BCL9: variants seen among roughly 807,000 people sequenced by gnomAD.
BCL9 encodes the protein B-cell CLL/lymphoma 9 protein.
A neutral mutation model predicts 88.5 loss-of-function variants in BCL9; 25 were observed. The observed-to-expected ratio is 0.28, with a 90% CI of 0.21 to 0.39. BCL9 has a LOEUF of 0.39. Ranked by LOEUF, BCL9 falls within the 10% of genes least tolerant of loss-of-function variation. The pLI is 1.00. For synonymous variants in BCL9, 711 were observed against 673.3 expected, an observed-to-expected ratio of 1.06 and a Z score of -0.87; for missense variants, 1,817 against 1,877.8, an observed-to-expected ratio of 0.97 and a Z score of 0.60.
chr1:147,572,435 A>G (rs1056971208), intron 1 of BCL9, among the ~76,000 whole-genome samples: 2 of 152,214 alleles, frequency 1.3e-5, no homozygotes, highest in African/African-American at 4.8e-5. Flanking sequence ...AGCCTCTCCT[A>G]GCATTGATAG....
intron 3 of BCL9, among the ~76,000 whole-genome samples, chr1:147,608,350 T>TTTTA (rs1553202228): frequency 2.4e-4 from 36 of 149,226 alleles, no homozygotes; most frequent in African/African-American, 7.9e-4. Context: ...TTTTTTTTTT[T>TTTTA]AGCACGGAAA....
intron 2 of BCL9, 122 bp from the exon 3 acceptor site, chr1:147,606,662 G>A (rs1453788149): frequency 5.3e-5 from 8 of 152,140 alleles, no homozygotes; most frequent in South Asian, 4.1e-4. Context: ...TGACAGCTTC[G>A]TCTTAAACTG....
intron 1 of BCL9, among the ~76,000 whole-genome samples, chr1:147,589,843 T>C (rs1656774852): frequency 1.3e-5 from 2 of 150,684 alleles, no homozygotes; most frequent in African/African-American, 4.8e-5. Context: ...TTCTCTTAGA[T>C]AGACACCTAG....
chr1:147,574,239 A>G (rs781858013), intron 1 of BCL9, among the ~76,000 whole-genome samples: 5 of 152,316 alleles, frequency 3.3e-5, no homozygotes, highest in South Asian at 4.1e-4. Context: ...CACTCTGGAC[A>G]AGGCTGTGTG....
chr1:147,624,533 A>G lies in BCL9; in HGVS notation c.3855A>G (p.Gly1285=), dbSNP rs1553206151. 2 of 1,614,126 alleles carry G rather than the reference A, an allele frequency of 1.2e-6. No individual in the cohort carries two copies. The highest frequency in any genetic ancestry group is 3.3e-5 in the Admixed American group (2 of 60,024). The change falls in exon 10 of 10, where the codon GGA becomes GGG. Residue 1285 remains glycine, a synonymous_variant. Transcript: ENST00000234739. The surrounding 1 kb of genome is among the most constrained non-coding windows in gnomAD (Gnocchi z 4.4). ...TGGGCGAACAAGCCCCCAGAATGGG[A>G]CTAGCATTACCTGGCATGGGAGGTC... ...GMMGEQAPRM[G]LALPGMGGPG...
intron 1 of BCL9, among the ~76,000 whole-genome samples, chr1:147,560,834 T>C (rs1025312619): frequency 1.3e-5 from 2 of 150,408 alleles, no homozygotes; most frequent in Non-Finnish European, 2.9e-5. Flanking sequence ...TTCTCAGACA[T>C]AATTAATAAT....
rs1163472776 is a variant in BCL9 at position 147,623,877 on chromosome 1, G to A, written c.3199G>A (p.Gly1067Ser). The change falls in exon 10 of 10, where the codon GGT (glycine) becomes AGT (serine). Residue 1067 changes from glycine to serine, a missense_variant. This residue lies in a region of BCL9 where 589 missense variants were observed against 686.2 expected (regional missense o/e 0.86). Transcript: ENST00000234739. ...GINTQNPRIS[G>S]PNPVVPMPTL... ...TAATACACAGAATCCTCGAATTTCA[G>A]GTCCAAACCCCGTGGTTCCGATGCC... 6.2e-7 allele frequency: 1 copy of A among 1,613,854 alleles called. No homozygotes were observed. Among genetic ancestry groups the A allele is most frequent in the African/African-American group, 1.3e-5 (1 of 74,880 alleles).
intron 1 of BCL9, among the ~76,000 whole-genome samples, chr1:147,592,136 A>T (rs1239444851): frequency 6.6e-6 from 1 of 152,226 alleles, no homozygotes; most frequent in Non-Finnish European, 1.5e-5. Flanking sequence ...ACTGTGAATC[A>T]AGAGTGATCC....
rs587655006 is a variant in BCL9, at chr1:147,611,583, C to T, written c.-254C>T. 1.9e-6 allele frequency: 1 copy of T among 537,552 alleles called. No individual in the cohort carries two copies. Among genetic ancestry groups the T allele is most frequent in the Non-Finnish European group, 3.4e-6 (1 of 298,292 alleles). The allele number at this position is 537,552 out of a possible 1,614,324, so 33.3% of individuals were successfully genotyped here. Reference sequence around the variant, plus strand: ...TGGGTGGCCTTTTCCTGTAGTATGCCCTGGAGATGCGAGATTTTCCTCTGG... The same window carrying T: ...TGGGTGGCCTTTTCCTGTAGTATGCTCTGGAGATGCGAGATTTTCCTCTGG... On this transcript the variant is annotated 5_prime_UTR_variant, in exon 4 of 10. Coordinates refer to ENST00000234739, the MANE Select transcript of BCL9 (RefSeq NM_004326.4).
In BCL9 at chr1:147,625,154, G is replaced by T. The variant is rs587610622; in HGVS notation, c.*195G>T. 12 of 626,672 alleles carry T rather than the reference G, an allele frequency of 1.9e-5. No individual in the cohort carries two copies. The highest frequency in any genetic ancestry group is 1.6e-4 in the African/African-American group (9 of 54,554). The allele number at this position is 626,672 out of a possible 1,614,324, so 38.8% of individuals were successfully genotyped here. ...AACAAATTATTCATTTAATCAACAG[G>T]TGTGTTTTTTTTAAGATTTATTTTT... On this transcript the variant is annotated 3_prime_UTR_variant, in exon 10 of 10. Transcript: ENST00000234739.
chr1:147,576,257 C>T (rs2101540005), intron 1 of BCL9, among the ~76,000 whole-genome samples: 1 of 152,178 alleles, frequency 6.6e-6, no homozygotes, highest in South Asian at 2.1e-4. Context: ...GTATAAAATT[C>T]ACAAAAATGT....
Position 147,612,971 on chromosome 1 carries a change from A to T in BCL9, c.142A>T (p.Asn48Tyr). 3.1e-6 allele frequency: 5 copies of T among 1,612,938 alleles called. No individual in the cohort carries two copies. Among genetic ancestry groups the T allele is most frequent in the Non-Finnish European group, 3.4e-6 (4 of 1,179,466 alleles). Residue 48 changes from asparagine to tyrosine, a missense_variant, in exon 5 of 10, where the codon AAT (asparagine) becomes TAT (tyrosine). Coordinates refer to ENST00000234739, the MANE Select transcript of BCL9 (RefSeq NM_004326.4). ...CCCCCAGCTGGATTCCAAATTCTCC[A>T]ATCAGGGTAAACAGGGGGGCTCAGC... ...GNPQLDSKFS[N>Y]QGKQGGSASQ... is the part of the protein sequence containing the mutation.
intron 1 of BCL9, among the ~76,000 whole-genome samples, chr1:147,546,521 T>TC: frequency 6.6e-6 from 1 of 152,242 alleles, no homozygotes; most frequent in Admixed American, 6.5e-5. Context: ...GGCCTAGAAA[T>TC]CCCCATTCTA....
chr1:147,581,558 G>C (rs770502779), intron 1 of BCL9, among the ~76,000 whole-genome samples: 19 of 152,228 alleles, frequency 1.2e-4, no homozygotes, highest in Non-Finnish European at 2.5e-4. Flanking sequence ...TTGGTCTTTT[G>C]TTTGGGGGAA....
chr1:147,586,618 C>T (rs1369268228), intron 1 of BCL9, among the ~76,000 whole-genome samples: 1 of 152,128 alleles, frequency 6.6e-6, no homozygotes, highest in African/African-American at 2.4e-5. Context: ...CCAGGGGACC[C>T]GCCCTTAATA....
intron 1 of BCL9, among the ~76,000 whole-genome samples, chr1:147,570,793 G>C (rs780550352): frequency 6.6e-6 from 1 of 151,610 alleles, no homozygotes; most frequent in Non-Finnish European, 1.5e-5. Flanking sequence ...GCGCCACCAC[G>C]CCTGGCTAAT....
chr1:147,552,974 A>AG (rs1553194994), intron 1 of BCL9, among the ~76,000 whole-genome samples: 1 of 44,188 alleles, frequency 2.3e-5, no homozygotes, highest in Non-Finnish European at 3.8e-5. Flanking sequence ...GGGAATTTCC[A>AG]ATTTTTTTTT....
intron 1 of BCL9, among the ~76,000 whole-genome samples, chr1:147,555,325 C>A (rs1655058251): frequency 1.3e-5 from 2 of 152,162 alleles, no homozygotes; most frequent in South Asian, 4.1e-4. Context: ...CCTAGGAACT[C>A]CTACTCTATA....
intron 1 of BCL9, among the ~76,000 whole-genome samples, chr1:147,603,951 TATTA>T (rs1553201641): frequency 5.3e-5 from 8 of 152,344 alleles, no homozygotes; most frequent in Non-Finnish European, 1.5e-5. Flanking sequence ...GTCATCAAAA[TATTA>T]ATTGTAACAG....
Sources: gnomAD v4.1 joint callset for allele counts (sites outside exome capture counted in the v4.1 genomes callset) on GRCh38, gnomAD v4.1.1 for gene constraint, gnomAD v4.1.1 regional missense constraint, Gnocchi (gnomAD v3.1) non-coding constraint, MANE v1.5 for transcripts, NCBI Gene and HGNC (gene_info 2026-07-23, HGNC 2026-07-21) for gene names.